AGBL1: variants seen among roughly 807,000 people sequenced by gnomAD.
AGBL1 encodes the protein AGBL carboxypeptidase 1.
AGBL1 carries 130 observed loss-of-function variants against 118.9 expected under a neutral mutation model. The observed-to-expected ratio is 1.09, with a 90% CI of 0.95 to 1.26. AGBL1 has a LOEUF of 1.26. Among genes scored for constraint, AGBL1 ranks in the 50% most tolerant of loss-of-function variants. The pLI is 0.00. For synonymous variants in AGBL1, 555 were observed against 478.9 expected (o/e 1.16, Z -2.08); for missense variants, 1,584 against 1,298.1 (o/e 1.22, Z -3.38).
At chr15:86,812,935 T>C (rs766716999) in intron 22 of AGBL1, among the ~76,000 whole-genome samples, 3 of 152,172 alleles carry the variant, frequency 2.0e-5, no homozygotes, top group Non-Finnish European at 2.9e-5. Flanking sequence ...AGAGATTTTT[T>C]TTTTTCACTG....
intron 22 of AGBL1, among the ~76,000 whole-genome samples, chr15:86,790,753 T>C (rs2078481666): frequency 6.6e-6 from 1 of 152,126 alleles, no homozygotes; most frequent in Non-Finnish European, 1.5e-5. Flanking sequence ...CCTCCTGTCA[T>C]AGACATTCAC....
intron 22 of AGBL1, among the ~76,000 whole-genome samples, chr15:86,871,327 A>G (rs1270516878): frequency 1.3e-5 from 2 of 152,126 alleles, no homozygotes; most frequent in African/African-American, 2.4e-5. Context: ...CAACCTGTCA[A>G]CCTGACAACT....
chr15:86,593,945 CAG>C (rs1398274441), intron 21 of AGBL1, among the ~76,000 whole-genome samples: 1 of 150,780 alleles, frequency 6.6e-6, no homozygotes, highest in African/African-American at 2.4e-5. Flanking sequence ...AATTTTGAAA[CAG>C]AGTTTTGCTC....
chr15:86,933,428 G>C (rs995898465), intron 23 of AGBL1, among the ~76,000 whole-genome samples: 1 of 152,124 alleles, frequency 6.6e-6, no homozygotes, highest in Admixed American at 6.5e-5. Flanking sequence ...GCTCATTACA[G>C]CTCAGGAGTC....
chr15:86,891,749 G>A (rs530164824), intron 22 of AGBL1, among the ~76,000 whole-genome samples: 12 of 152,152 alleles, frequency 7.9e-5, no homozygotes, highest in East Asian at 1.9e-4. Flanking sequence ...ATACCTATAC[G>A]AATTTGTTAA....
rs200425510 is a variant in AGBL1, at chr15:86,264,685, G to A, written c.1514G>A (p.Arg505His). The A allele has an allele frequency of 3.8e-5, 61 of 1,613,906 alleles. No homozygotes were observed. The highest frequency in any genetic ancestry group is 8.0e-5 in the African/African-American group (6 of 74,930). Residue 505 changes from arginine (R) to histidine (H), a missense_variant, in exon 11 of 23, where the codon CGT becomes CAT. By Grantham distance (29) the Arg-to-His change is conservative. Transcript: ENST00000614907. ...IDKLLQTHLK[R>H]VPFHDPYLYM... is the part of the protein sequence containing the mutation. ...AAGCTTCTGCAGACACATCTGAAGC[G>A]TGTCCCTTTCCACGATCCCTATCTT...
chr15:86,350,583 C>T (rs2080610284), intron 17 of AGBL1, among the ~76,000 whole-genome samples: 1 of 152,156 alleles, frequency 6.6e-6, no homozygotes, highest in African/African-American at 2.4e-5. Context: ...TGTGCTTGGT[C>T]TCCAGGATTT....
Position 86,527,027 on chromosome 15 carries a change from T to C in AGBL1, c.2685+4088T>C, listed in dbSNP as rs189580283. 3.3e-5 allele frequency among the ~76,000 whole-genome samples: 5 copies of C among 152,274 alleles called. No individual in the cohort carries two copies. The East Asian group carries it at 9.7e-4, about 29-fold the overall frequency. ...TAAAACAAGAATACTGGTTCTACACTGCTGAAAATGTACAATCTTTTCATT... is the reference window on the plus strand; with the variant it reads ...TAAAACAAGAATACTGGTTCTACACCGCTGAAAATGTACAATCTTTTCATT... On this transcript the variant is annotated intron_variant, in intron 19 of 22. Coordinates refer to ENST00000614907, the MANE Select transcript of AGBL1 (RefSeq NM_001386094.1).
At chr15:86,488,391 A>G (rs1332899693) in intron 18 of AGBL1, among the ~76,000 whole-genome samples, 1 of 151,650 alleles carries the variant, frequency 6.6e-6, no homozygotes, top group East Asian at 2.0e-4. Flanking sequence ...TTTGCTTCTC[A>G]TTAGGAGCTG....
In AGBL1 at chr15:86,244,069, A is replaced by AAATAAATG. The variant is rs1339904606; in HGVS notation, c.527-3595_527-3594insGAATAAAT. Among the ~76,000 whole-genome samples the AAATAAATG allele has an allele frequency of 4.6e-3, 684 of 147,926 alleles. 4 individuals carry two copies. The highest frequency in any genetic ancestry group is 0.016 in the African/African-American group (651 of 40,378). On this transcript the variant is annotated intron_variant, in intron 6 of 22. Coordinates refer to ENST00000614907, the MANE Select transcript of AGBL1 (RefSeq NM_001386094.1). Reference sequence around the variant, plus strand: ...TAGATAGATAGATAAATAAGTAAATAAATAAATAAATAAATAAATATATAT... The same window carrying AAATAAATG: ...TAGATAGATAGATAAATAAGTAAATAAATAAATGAATAAATAAATAAATAAATATATAT...
intron 22 of AGBL1, among the ~76,000 whole-genome samples, chr15:86,780,009 T>A (rs1054718211): frequency 3.9e-5 from 6 of 152,162 alleles, no homozygotes; most frequent in African/African-American, 1.4e-4. Context: ...AACTTATTTT[T>A]CTTTTAAGGC....
chr15:86,393,723 G>C (rs776186013), intron 17 of AGBL1, among the ~76,000 whole-genome samples: 2 of 152,196 alleles, frequency 1.3e-5, no homozygotes, highest in Non-Finnish European at 2.9e-5. Flanking sequence ...TGAGTCATTA[G>C]TCCTATGGTG....
At chr15:86,768,630 G>C (rs2078129733) in intron 22 of AGBL1, among the ~76,000 whole-genome samples, 1 of 151,912 alleles carries the variant, frequency 6.6e-6, no homozygotes, top group Non-Finnish European at 1.5e-5. Flanking sequence ...TGACAACCTA[G>C]TGATCAACTG....
intron 17 of AGBL1, among the ~76,000 whole-genome samples, chr15:86,305,904 C>G (rs2079832709): frequency 1.3e-5 from 2 of 152,200 alleles, no homozygotes. Context: ...CCACTTTACA[C>G]TCCCACAAAG....
At chr15:86,616,339 C>CAAAAAAAAAAAAAAAAAAAAAAAAAA (rs199936794) in intron 21 of AGBL1, among the ~76,000 whole-genome samples, 1 of 49,252 alleles carries the variant, frequency 2.0e-5, no homozygotes, top group African/African-American at 7.1e-5. Context: ...TCCTCCACTT[C>CAAAAAAAAAAAAAAAAAAAAAAAAAA]AAAAAAAAAA....
At chr15:86,645,501 TG>T (rs1161185339) in intron 21 of AGBL1, among the ~76,000 whole-genome samples, 1 of 152,248 alleles carries the variant, frequency 6.6e-6, no homozygotes, top group Non-Finnish European at 1.5e-5. Context: ...ATGTAGAAAC[TG>T]AGGCTCAGTG....
chr15:86,366,194 C>T (rs1181699167), intron 17 of AGBL1, among the ~76,000 whole-genome samples: 2 of 152,286 alleles, frequency 1.3e-5, no homozygotes, highest in East Asian at 3.9e-4. Flanking sequence ...CTTCATTCAG[C>T]TCCATTTCTT....
chr15:86,492,020 A>AT (rs2082787285), intron 18 of AGBL1, among the ~76,000 whole-genome samples: 1 of 152,042 alleles, frequency 6.6e-6, no homozygotes, highest in South Asian at 2.1e-4. Flanking sequence ...TTTTACCTTC[A>AT]TTTTTGGATG....
chr15:86,369,207 T>C (rs1329698682), intron 17 of AGBL1, among the ~76,000 whole-genome samples: 1 of 152,138 alleles, frequency 6.6e-6, no homozygotes, highest in African/African-American at 2.4e-5. Context: ...TTATGAGAAA[T>C]TACAGAAAGG....
Sources: gnomAD v4.1 joint callset for allele counts (sites outside exome capture counted in the v4.1 genomes callset) on GRCh38, gnomAD v4.1.1 for gene constraint, MANE v1.5 for transcripts, NCBI Gene and HGNC (gene_info 2026-07-23, HGNC 2026-07-21) for gene names.